The following SLC35D1 variants were observed in gnomAD, a reference collection of about 807,000 sequenced individuals.
SLC35D1 encodes solute carrier family 35 member D1, also known as nucleotide sugar transporter SLC35D1.
A neutral mutation model predicts 46.7 loss-of-function variants in SLC35D1; 31 were observed. That is an observed-to-expected ratio of 0.66 (90% CI 0.50 to 0.90). SLC35D1 has a LOEUF of 0.90. Among genes scored for constraint, SLC35D1 ranks in the 40% least tolerant of loss-of-function variants. The pLI is 0.00. For missense variants in SLC35D1, 397 were observed against 426.2 expected, an observed-to-expected ratio of 0.93 and a Z score of 0.60; for synonymous variants, 195 against 164.6, an observed-to-expected ratio of 1.18 and a Z score of -1.41.
intron 10 of SLC35D1, among the ~76,000 whole-genome samples, chr1:67,013,158 A>ATATATATATATATATATATATATATATG: frequency 0.095 from 9,805 of 103,436 alleles, 985 homozygotes; most frequent in Middle Eastern, 0.17. Context: ...TATCCTGGAG[A>ATATATATATATATATATATATATATATG]TATATATATA....
intron 10 of SLC35D1, among the ~76,000 whole-genome samples, chr1:67,010,887 G>A (rs1667552784): frequency 6.9e-6 from 1 of 144,272 alleles, no homozygotes; most frequent in African/African-American, 2.5e-5. Flanking sequence ...CTTTTGTGAG[G>A]GAAATTTACA....
At position 67,052,776 on chromosome 1, in the gene SLC35D1, G is replaced by C. The variant is rs267607063; in HGVS notation, c.319C>G (p.Arg107Gly). 1.2e-5 allele frequency: 19 copies of C among 1,613,716 alleles called. No homozygotes were observed. Among genetic ancestry groups the C allele is most frequent in the Non-Finnish European group, 1.6e-5 (19 of 1,179,924 alleles). Residue 107 changes from arginine (R) to glycine (G), a missense_variant, in exon 3 of 12, where the codon CGA becomes GGA. Arg to Gly is a moderately radical substitution (Grantham distance 125). Coordinates refer to ENST00000235345, the MANE Select transcript of SLC35D1 (RefSeq NM_015139.3). The part of the protein sequence containing the change: ...KFPDLDRNVP[R>G]KTFPLPLLYF... ...TATCGCTTTTCTTCTTTTACCTTTC[G>C]AGGTACATTTCTGTCAAGGTCAGGA...
intron 3 of SLC35D1, 95 bp from the exon 4 acceptor site, chr1:67,052,174 A>C: frequency 1.1e-6 from 1 of 913,368 alleles, no homozygotes; most frequent in Non-Finnish European, 1.8e-6. Flanking sequence ...TATGATCAAA[A>C]TTTTTTCCAC....
chr1:67,001,491 A>G lies in SLC35D1; in HGVS notation c.*2849T>C, dbSNP rs1233591597. 2 of 152,274 alleles carry G rather than the reference A, an allele frequency of 1.3e-5. No individual in the cohort carries two copies. The highest frequency in any genetic ancestry group is 2.9e-5 in the Non-Finnish European group (2 of 68,030). 9.4% of individuals were successfully genotyped at this position (152,274 alleles called of 1,614,324 possible). ...AAGCAGATTGGCCAAAGAGGGTCTCACTTACATTGAACAGGAGACACTAGT... is the reference window on the plus strand; with the variant it reads ...AAGCAGATTGGCCAAAGAGGGTCTCGCTTACATTGAACAGGAGACACTAGT... On this transcript the variant is annotated 3_prime_UTR_variant, in exon 12 of 12. Transcript: ENST00000235345.
At chr1:66,975,265 G>A in the SLC35D1 span, among the ~76,000 whole-genome samples, 36 of 152,182 alleles carry the variant, frequency 2.4e-4, no homozygotes, top group African/African-American at 8.0e-4. Flanking sequence ...AGTGGCTCAT[G>A]CCTGTTATCT....
At chr1:66,995,631 C>T (rs895050662), downstream of SLC35D1, among the ~76,000 whole-genome samples, 4 of 151,830 alleles carry the variant, frequency 2.6e-5, no homozygotes, top group Non-Finnish European at 5.9e-5. Flanking sequence ...CGTACTATAA[C>T]GAAAGATGCA....
At chr1:67,051,904 T>C in intron 4 of SLC35D1, 108 bp downstream of exon 4, 1 of 812,052 alleles carries the variant, frequency 1.2e-6, no homozygotes, top group Non-Finnish European at 2.1e-6. Context: ...TTTCTGGTCC[T>C]TTCATTTTTT....
chr1:67,025,120 CCTAA>C (rs1667891422), intron 8 of SLC35D1, among the ~76,000 whole-genome samples: 3 of 152,096 alleles, frequency 2.0e-5, no homozygotes, highest in Admixed American at 6.6e-5. Context: ...ATGACCTGAT[CCTAA>C]CTAATTACAC....
the SLC35D1 span, chr1:66,976,470 A>G: frequency 2.7e-6 from 2 of 736,752 alleles, no homozygotes; most frequent in South Asian, 2.3e-5. Flanking sequence ...ACACTGTTGT[A>G]TGTTATATAT....
chr1:67,042,366 T>G, intron 7 of SLC35D1, 38 bp from the exon 8 acceptor site: 1 of 1,567,898 alleles, frequency 6.4e-7, no homozygotes, highest in Non-Finnish European at 8.8e-7. Flanking sequence ...ATCTGCGTTT[T>G]GTTCTAGCAG....
chr1:67,015,396 C>G (rs1484514665), intron 10 of SLC35D1, among the ~76,000 whole-genome samples: 2 of 151,548 alleles, frequency 1.3e-5, no homozygotes, highest in African/African-American at 4.9e-5. Context: ...CGAATTTTCT[C>G]TGTTTTTTTT....
the SLC35D1 span, chr1:66,988,466 C>T: frequency 1.3e-5 from 2 of 152,302 alleles, no homozygotes; most frequent in African/African-American, 4.8e-5. Context: ...TTTCCATAAA[C>T]TCTTGTCATG....
chr1:66,992,357 G>A, the SLC35D1 span, among the ~76,000 whole-genome samples: 2 of 152,142 alleles, frequency 1.3e-5, no homozygotes, highest in African/African-American at 2.4e-5. Flanking sequence ...AACCTGTATA[G>A]CAGCAACAAC....
At chr1:66,990,405 GGC>G in the SLC35D1 span, among the ~76,000 whole-genome samples, 1 of 152,078 alleles carries the variant, frequency 6.6e-6, no homozygotes, top group Non-Finnish European at 1.5e-5. Flanking sequence ...CCTCCCAAGT[GGC>G]TGGGACAGGT....
downstream of SLC35D1, among the ~76,000 whole-genome samples, chr1:66,997,434 T>C (rs954640987): frequency 6.8e-6 from 1 of 147,724 alleles, no homozygotes; most frequent in African/African-American, 2.5e-5. Flanking sequence ...GCCCAGGAAA[T>C]TGAGGCTGCA....
At chr1:67,028,344 T>G (rs1667955536) in intron 8 of SLC35D1, among the ~76,000 whole-genome samples, 1 of 152,242 alleles carries the variant, frequency 6.6e-6, no homozygotes, top group African/African-American at 2.4e-5. Flanking sequence ...TAATGTCAAG[T>G]AGATCAAGCT....
the SLC35D1 span, among the ~76,000 whole-genome samples, chr1:66,993,808 CAAT>C: frequency 1.3e-5 from 2 of 152,132 alleles, no homozygotes; most frequent in Admixed American, 1.3e-4. Flanking sequence ...AAAAATGGCT[CAAT>C]AAATGTATTT....
the SLC35D1 span, chr1:66,976,784 CTTGAG>C: frequency 1.5e-6 from 2 of 1,337,084 alleles, no homozygotes; most frequent in Non-Finnish European, 2.0e-6. Flanking sequence ...CTAGATTTTT[CTTGAG>C]TTAATTATTA....
the SLC35D1 span, among the ~76,000 whole-genome samples, chr1:66,973,248 T>TA: frequency 6.6e-6 from 1 of 152,100 alleles, no homozygotes; most frequent in African/African-American, 2.4e-5. Context: ...AATCAACTTC[T>TA]AGTTGGGGTG....
Sources: allele counts gnomAD v4.1 joint callset (sites outside exome capture counted in the v4.1 genomes callset), GRCh38; gene constraint gnomAD v4.1.1; transcripts MANE v1.5; gene names NCBI Gene and HGNC (gene_info 2026-07-23, HGNC 2026-07-21).